WWTR1: variants seen among roughly 807,000 people sequenced by gnomAD.
WWTR1 encodes WW domain containing transcription regulator 1, also known as WW domain-containing transcription regulator protein 1.
A neutral mutation model predicts 40.1 loss-of-function variants in WWTR1; 13 were observed. The observed-to-expected ratio is 0.32, with a 90% CI of 0.21 to 0.52. The LOEUF (loss-of-function observed/expected upper bound fraction) is 0.52. Among genes scored for constraint, WWTR1 ranks in the 20% least tolerant of loss-of-function variants. The pLI is 0.97. For synonymous variants in WWTR1, 230 were observed against 210.1 expected, an observed-to-expected ratio of 1.09 and a Z score of -0.82; for missense variants, 436 against 523.1, an observed-to-expected ratio of 0.83 and a Z score of 1.63.
chr3:149,582,317 T>C (rs73867384), intron 2 of WWTR1, among the ~76,000 whole-genome samples: 36,885 of 152,008 alleles, frequency 0.24, 5,159 homozygotes, highest in African/African-American at 0.37. Flanking sequence ...TTTCTGTTGC[T>C]TGTTTGATTT....
chr3:149,536,256 C>T (rs1735824614), intron 4 of WWTR1, among the ~76,000 whole-genome samples: 1 of 152,068 alleles, frequency 6.6e-6, no homozygotes. Flanking sequence ...AATAGCCAAG[C>T]TTATATGGAG....
intron 2 of WWTR1, among the ~76,000 whole-genome samples, chr3:149,651,992 A>AT (rs368845286): frequency 0.029 from 2,739 of 93,602 alleles, 57 homozygotes; most frequent in East Asian, 0.088. Flanking sequence ...CGCCCGGCTA[A>AT]TTTTTTTTTT....
chr3:149,698,240 T>C (rs919184746), intron 1 of WWTR1, among the ~76,000 whole-genome samples: 3 of 152,172 alleles, frequency 2.0e-5, no homozygotes, highest in African/African-American at 4.8e-5. Flanking sequence ...GTGAAGATAA[T>C]TGAATCATGA....
chr3:149,635,321 A>G (rs1189674743), intron 2 of WWTR1, among the ~76,000 whole-genome samples: 1 of 152,226 alleles, frequency 6.6e-6, no homozygotes, highest in African/African-American at 2.4e-5. Context: ...TTTAATTTAT[A>G]TTAGGTCTTT....
intron 2 of WWTR1, among the ~76,000 whole-genome samples, chr3:149,655,324 A>G (rs1351872534): frequency 6.6e-6 from 1 of 151,924 alleles, no homozygotes; most frequent in African/African-American, 2.4e-5. Flanking sequence ...GGGTGCCTGT[A>G]ATCCCAGCTA....
At chr3:149,683,698 A>AAAAAAG (rs1193351709) in intron 1 of WWTR1, among the ~76,000 whole-genome samples, 5 of 152,236 alleles carry the variant, frequency 3.3e-5, no homozygotes, top group East Asian at 1.9e-4. Context: ...TGCCTTTAAA[A>AAAAAAG]AAAAAGAAAA....
intron 3 of WWTR1, among the ~76,000 whole-genome samples, chr3:149,545,726 T>C (rs1263996904): frequency 6.6e-6 from 1 of 152,222 alleles, no homozygotes; most frequent in Non-Finnish European, 1.5e-5. Context: ...TTTGCCATGT[T>C]GGCAGGCTGG....
chr3:149,636,682 T>C (rs569161681), intron 2 of WWTR1, among the ~76,000 whole-genome samples: 2 of 152,036 alleles, frequency 1.3e-5, no homozygotes, highest in Non-Finnish European at 2.9e-5. Context: ...TAGGAAAGAG[T>C]CACCAGAAAA....
chr3:149,622,514 A>AAAGAAAGT (rs1740350204), intron 2 of WWTR1, among the ~76,000 whole-genome samples: 1 of 130,600 alleles, frequency 7.7e-6, no homozygotes, highest in Non-Finnish European at 1.7e-5. Flanking sequence ...AGAAAGAAAG[A>AAAGAAAGT]AAGAAAGAAA....
chr3:149,610,586 A>C (rs1177560454), intron 2 of WWTR1, among the ~76,000 whole-genome samples: 1 of 152,242 alleles, frequency 6.6e-6, no homozygotes, highest in African/African-American at 2.4e-5. Context: ...TGCTCAAAGA[A>C]GTGGAAGGGT....
At chr3:149,531,070 G>A (rs1158277021) in intron 4 of WWTR1, among the ~76,000 whole-genome samples, 1 of 152,088 alleles carries the variant, frequency 6.6e-6, no homozygotes, top group Non-Finnish European at 1.5e-5. Flanking sequence ...GAGTAGCTGG[G>A]ACTACAGGCA....
chr3:149,564,062 C>T (rs1408520578), intron 3 of WWTR1, among the ~76,000 whole-genome samples: 1 of 152,122 alleles, frequency 6.6e-6, no homozygotes, highest in East Asian at 1.9e-4. Context: ...CCTTAACATA[C>T]ACAATTTGAT....
chr3:149,620,326 C>A (rs1740208215), intron 2 of WWTR1, among the ~76,000 whole-genome samples: 2 of 152,150 alleles, frequency 1.3e-5, no homozygotes, highest in Admixed American at 1.3e-4. Flanking sequence ...TGATATGAGA[C>A]CTGAGGATCT....
intron 2 of WWTR1, among the ~76,000 whole-genome samples, chr3:149,600,837 C>T (rs1375175000): frequency 2.0e-5 from 3 of 152,168 alleles, no homozygotes; most frequent in African/African-American, 4.8e-5. Flanking sequence ...ACCCAGCCAC[C>T]ATGCCATAAG....
At chr3:149,678,714 A>G (rs1031428298) in intron 1 of WWTR1, among the ~76,000 whole-genome samples, 11 of 152,330 alleles carry the variant, frequency 7.2e-5, no homozygotes, top group East Asian at 3.9e-4. Flanking sequence ...GTTATCAGAA[A>G]TGGATTTACA....
intron 2 of WWTR1, chr3:149,649,184 G>T (rs4429571): frequency 1.3e-5 from 2 of 151,950 alleles, no homozygotes; most frequent in African/African-American, 4.8e-5. Context: ...TAGAGACAGG[G>T]TTTCTCCATG....
At position 149,520,868 on chromosome 3, in the gene WWTR1, G is replaced by A. The variant is rs538494465; in HGVS notation, c.1140C>T (p.Ile380=). ...DLGTLESEDL[I]PLFNDVESAL... ...CAGACTCTACATCATTGAAGAGGGGGATCAGGTCTTCAGATTCCAAAGTTC... is the reference window on the plus strand; with the variant it reads ...CAGACTCTACATCATTGAAGAGGGGAATCAGGTCTTCAGATTCCAAAGTTC... The change falls in exon 7 of 7, where the codon ATC becomes ATT. Residue 380 remains isoleucine (I), a synonymous_variant. Coordinates refer to ENST00000360632, the MANE Select transcript of WWTR1 (RefSeq NM_015472.6). The A allele has an allele frequency of 1.2e-6, 2 of 1,613,528 alleles. No individual in the cohort carries two copies. Among genetic ancestry groups the A allele is most frequent in the African/African-American group, 2.7e-5 (2 of 75,008 alleles).
intron 4 of WWTR1, among the ~76,000 whole-genome samples, chr3:149,537,157 CAGTTGTAACA>C (rs1735875989): frequency 6.6e-6 from 1 of 152,096 alleles, no homozygotes; most frequent in Non-Finnish European, 1.5e-5. Context: ...TTGAATTTTT[CAGTTGTAACA>C]ACAGAATACT....
At chr3:149,589,522 C>T (rs764351011) in intron 2 of WWTR1, among the ~76,000 whole-genome samples, 3 of 152,136 alleles carry the variant, frequency 2.0e-5, no homozygotes, top group Non-Finnish European at 2.9e-5. Flanking sequence ...AGACTCTTTA[C>T]GCAATCCTCA....
Sources: allele counts gnomAD v4.1 joint callset (sites outside exome capture counted in the v4.1 genomes callset), GRCh38; gene constraint gnomAD v4.1.1; transcripts MANE v1.5; gene names NCBI Gene and HGNC (gene_info 2026-07-23, HGNC 2026-07-21).